Variants in ZNF423 observed in about 807,000 individuals in gnomAD.
ZNF423 encodes the protein Ebf-associated zinc finger protein.
A neutral mutation model predicts 95.8 loss-of-function variants in ZNF423; 12 were observed. The ratio of observed to expected loss-of-function variants is 0.13; its 90% CI spans 0.08 to 0.20. The LOEUF (loss-of-function observed/expected upper bound fraction) is 0.20, where lower values mean the gene tolerates loss of function less well. Among genes scored for constraint, ZNF423 ranks in the 10% least tolerant of loss-of-function variants. The pLI is 1.00. For missense variants in ZNF423, 1,316 were observed against 1,737.1 expected, an observed-to-expected ratio of 0.76 and a Z score of 4.31; for synonymous variants, 749 against 711.9, an observed-to-expected ratio of 1.05 and a Z score of -0.83.
At chr16:49,523,506 T>C in intron 7 of ZNF423, 118 bp downstream of exon 7, 2 of 810,148 alleles carry the variant, frequency 2.5e-6, no homozygotes, top group Non-Finnish European at 4.0e-6. Context: ...GGTCAGCCCC[T>C]GATTGCAGAC....
chr16:49,544,482 G>A (rs1265191662), intron 5 of ZNF423, among the ~76,000 whole-genome samples: 1 of 152,216 alleles, frequency 6.6e-6, no homozygotes, highest in Admixed American at 6.5e-5. Context: ...TCCTTAAGAA[G>A]GGTGAATAAA....
At chr16:49,850,572 G>A (rs760845603) in intron 1 of ZNF423, among the ~76,000 whole-genome samples, 5 of 152,160 alleles carry the variant, frequency 3.3e-5, no homozygotes, top group South Asian at 2.1e-4. Flanking sequence ...AAACACCAGC[G>A]TGCCGTGGAC....
intron 5 of ZNF423, among the ~76,000 whole-genome samples, chr16:49,606,676 G>A (rs1022678841): frequency 6.6e-6 from 1 of 152,218 alleles, no homozygotes; most frequent in Non-Finnish European, 1.5e-5. Context: ...AGTGGTACTG[G>A]TGCATACCAG....
chr16:49,834,016 G>A (rs973488216), intron 1 of ZNF423, among the ~76,000 whole-genome samples: 9 of 152,214 alleles, frequency 5.9e-5, no homozygotes, highest in African/African-American at 1.2e-4. Flanking sequence ...CAGGGCAGGC[G>A]GCAGGCTTGG....
chr16:49,521,259 G>A (rs1293332768), intron 7 of ZNF423, among the ~76,000 whole-genome samples: 9 of 152,236 alleles, frequency 5.9e-5, no homozygotes, highest in African/African-American at 2.2e-4. Context: ...ATGCAGGCGA[G>A]CCAGGCAGGA....
intron 3 of ZNF423, among the ~76,000 whole-genome samples, chr16:49,652,353 GA>G (rs5816651): frequency 0.31 from 45,937 of 147,910 alleles, 7,108 homozygotes; most frequent in African/African-American, 0.37. Flanking sequence ...TAGGAAAGGG[GA>G]AAAAAAAAAA....
chr16:49,494,971 T>TCC (rs1333182545), intron 7 of ZNF423, among the ~76,000 whole-genome samples: 1 of 151,902 alleles, frequency 6.6e-6, no homozygotes, highest in Non-Finnish European at 1.5e-5. Flanking sequence ...TTTAGCCCCT[T>TCC]TAGAGAAGGA....
chr16:49,728,444 G>A (rs906165538), intron 3 of ZNF423, among the ~76,000 whole-genome samples: 1 of 152,102 alleles, frequency 6.6e-6, no homozygotes. Flanking sequence ...TAGCTCCTGC[G>A]TCCCCACGGA....
chr16:49,662,798 G>T (rs371894039), intron 3 of ZNF423, among the ~76,000 whole-genome samples: 1 of 152,196 alleles, frequency 6.6e-6, no homozygotes, highest in African/African-American at 2.4e-5. Flanking sequence ...CCCAGGCAGG[G>T]ATCTAGCAGG....
At chr16:49,858,403 C>T (rs1271417378), upstream of ZNF423, among the ~76,000 whole-genome samples, 9 of 152,054 alleles carry the variant, frequency 5.9e-5, no homozygotes, top group Non-Finnish European at 1.0e-4. The surrounding 1 kb of genome is among the most constrained non-coding windows in gnomAD (Gnocchi z 4.3). Flanking sequence ...CGCACCCCCG[C>T]GGCTGGGGAG....
At chr16:49,745,850 C>T (rs1006240852) in intron 2 of ZNF423, among the ~76,000 whole-genome samples, 4 of 152,150 alleles carry the variant, frequency 2.6e-5, no homozygotes, top group African/African-American at 9.7e-5. Flanking sequence ...GCATCAAAGG[C>T]AGGAAAGGAC....
chr16:49,627,638 G>A (rs28970718), intron 4 of ZNF423, among the ~76,000 whole-genome samples: 3,984 of 127,418 alleles, frequency 0.031, 99 homozygotes, highest in Non-Finnish European at 0.049. Context: ...CTACCCGTCC[G>A]TCTCCCCACC....
In ZNF423 at chr16:49,491,171, T is replaced by A. The variant is rs1242598001; in HGVS notation, c.*104A>T. On this transcript the variant is annotated 3_prime_UTR_variant, in exon 8 of 8. Coordinates refer to ENST00000563137, the MANE Select transcript of ZNF423 (RefSeq NM_001379286.1). ...ATGGCCAAATCATTAGAGTTTTACA[T>A]CTGGGTTGCAAATGACACTTTGATT... The A allele has an allele frequency of 1.0e-5, 14 of 1,379,414 alleles. No individual in the cohort carries two copies. The Admixed American group carries it at 2.4e-4, about 23-fold the overall frequency. The allele number at this position is 1,379,414 out of a possible 1,614,324, so 85.4% of individuals were successfully genotyped here. A position where few individuals can be genotyped will look rare whatever the true frequency, so the allele number is the denominator to read the frequency against.
intron 3 of ZNF423, among the ~76,000 whole-genome samples, chr16:49,716,753 C>G (rs1038364790): frequency 6.6e-6 from 1 of 152,158 alleles, no homozygotes; most frequent in East Asian, 1.9e-4. Context: ...CCTGATCGCC[C>G]CTCTGAGCCA....
intron 2 of ZNF423, among the ~76,000 whole-genome samples, chr16:49,743,402 C>T (rs1265307249): frequency 6.6e-6 from 1 of 152,192 alleles, no homozygotes; most frequent in African/African-American, 2.4e-5. Flanking sequence ...CATGCAAGCT[C>T]CAGGCAGGCA....
chr16:49,773,355 C>T (rs1457929336), intron 2 of ZNF423, among the ~76,000 whole-genome samples: 1 of 152,014 alleles, frequency 6.6e-6, no homozygotes, highest in Admixed American at 6.6e-5. Flanking sequence ...AAAAAGCCAT[C>T]AGATTTTGTG....
At chr16:49,519,265 G>C (rs917935998) in intron 7 of ZNF423, among the ~76,000 whole-genome samples, 2 of 152,200 alleles carry the variant, frequency 1.3e-5, no homozygotes, top group African/African-American at 4.8e-5. Flanking sequence ...GTATTGGTGT[G>C]AGTGTAAATT....
chr16:49,800,997 C>T (rs999138739), intron 1 of ZNF423, among the ~76,000 whole-genome samples: 9 of 152,244 alleles, frequency 5.9e-5, no homozygotes, highest in African/African-American at 1.4e-4. Context: ...CCTGATGTGG[C>T]AATGTTAGTG....
intron 5 of ZNF423, among the ~76,000 whole-genome samples, chr16:49,575,643 G>C (rs545621769): frequency 6.6e-6 from 1 of 152,180 alleles, no homozygotes; most frequent in African/African-American, 2.4e-5. Flanking sequence ...GTGGGGCTTC[G>C]ACAGAGGCCA....
Sources: gnomAD v4.1 joint callset for allele counts (sites outside exome capture counted in the v4.1 genomes callset) on GRCh38, gnomAD v4.1.1 for gene constraint, Gnocchi (gnomAD v3.1) non-coding constraint, MANE v1.5 for transcripts, NCBI Gene and HGNC (gene_info 2026-07-23, HGNC 2026-07-21) for gene names.